KLF12: variants seen among roughly 807,000 people sequenced by gnomAD.
KLF12 encodes Krueppel-like factor 12.
A neutral mutation model predicts 37.8 loss-of-function variants in KLF12; 9 were observed. The ratio of observed to expected loss-of-function variants is 0.24; its 90% CI spans 0.14 to 0.42. The LOEUF is 0.42. Ranked by LOEUF, KLF12 falls within the 10% of genes least tolerant of loss-of-function variation. KLF12 has a pLI of 1.00. For missense variants in KLF12, 411 were observed against 516.0 expected (o/e 0.80, Z 1.97); for synonymous variants, 208 against 202.1 (o/e 1.03, Z -0.25).
intron 2 of KLF12, among the ~76,000 whole-genome samples, chr13:73,968,762 T>C (rs911020786): frequency 1.3e-5 from 2 of 152,158 alleles, no homozygotes; most frequent in African/African-American, 2.4e-5. Flanking sequence ...AACACATGAT[T>C]TGTCTATTAC....
intron 5 of KLF12, among the ~76,000 whole-genome samples, chr13:73,798,479 A>AC (rs1368047117): frequency 6.6e-6 from 1 of 152,222 alleles, no homozygotes; most frequent in African/African-American, 2.4e-5. Flanking sequence ...GAGTAAAAAA[A>AC]CAACCTACAG....
chr13:74,159,900 G>A, the KLF12 span, among the ~76,000 whole-genome samples: 1 of 151,174 alleles, frequency 6.6e-6, no homozygotes, highest in Non-Finnish European at 1.5e-5. Context: ...TACTTAGGAG[G>A]CTGAGGTGGG....
At chr13:74,273,796 T>C in the KLF12 span, among the ~76,000 whole-genome samples, 3 of 152,188 alleles carry the variant, frequency 2.0e-5, no homozygotes, top group East Asian at 5.8e-4. Flanking sequence ...AGTACAAGGA[T>C]TACATAATGC....
chr13:74,020,831 C>A (rs991680448), intron 1 of KLF12, among the ~76,000 whole-genome samples: 4 of 150,226 alleles, frequency 2.7e-5, no homozygotes, highest in Non-Finnish European at 2.9e-5. Context: ...GCGGAGCTTG[C>A]AGTGAGTGAA....
chr13:74,199,438 A>C, the KLF12 span, among the ~76,000 whole-genome samples: 1 of 152,202 alleles, frequency 6.6e-6, no homozygotes, highest in African/African-American at 2.4e-5. Context: ...GTAGTGCATG[A>C]ATTATTAGCC....
chr13:73,907,109 A>G (rs563293291), intron 3 of KLF12, among the ~76,000 whole-genome samples: 2 of 152,312 alleles, frequency 1.3e-5, no homozygotes, highest in Admixed American at 6.5e-5. Context: ...GTGTTTATCA[A>G]AGATATGGTT....
intron 3 of KLF12, among the ~76,000 whole-genome samples, chr13:73,920,073 A>G (rs1003416024): frequency 1.3e-4 from 20 of 152,168 alleles, no homozygotes; most frequent in Non-Finnish European, 1.0e-4. Flanking sequence ...CAAATTCAGA[A>G]AGATGCAAAC....
At chr13:74,104,296 T>C (rs549420167) in intron 1 of KLF12, among the ~76,000 whole-genome samples, 1 of 152,368 alleles carries the variant, frequency 6.6e-6, no homozygotes, top group African/African-American at 2.4e-5. Context: ...TGCACTGTGT[T>C]ATCTGACATT....
At chr13:73,760,819 A>G (rs1308573162) in intron 6 of KLF12, among the ~76,000 whole-genome samples, 3 of 152,168 alleles carry the variant, frequency 2.0e-5, no homozygotes, top group African/African-American at 7.2e-5. Context: ...AAAATGGAGC[A>G]GGATAGAGCA....
At chr13:73,715,820 A>G (rs1443954947) in intron 6 of KLF12, among the ~76,000 whole-genome samples, 1 of 152,236 alleles carries the variant, frequency 6.6e-6, no homozygotes, top group African/African-American at 2.4e-5. Flanking sequence ...TCATTATCAG[A>G]AGAAACAATC....
At chr13:74,118,620 C>T (rs942117437) in intron 1 of KLF12, among the ~76,000 whole-genome samples, 1 of 152,146 alleles carries the variant, frequency 6.6e-6, no homozygotes, top group African/African-American at 2.4e-5. Context: ...AAGAGAAATG[C>T]ACTCTCACAT....
intron 2 of KLF12, among the ~76,000 whole-genome samples, chr13:73,953,745 A>C (rs189584604): frequency 1.3e-5 from 2 of 152,306 alleles, no homozygotes; most frequent in East Asian, 1.9e-4. Flanking sequence ...AACATGGATC[A>C]GTGAGTGTTT....
rs898773779 is a variant in KLF12, at chr13:73,691,149, A to G, written c.*4341T>C. On this transcript the variant is annotated 3_prime_UTR_variant, in exon 8 of 8. Coordinates refer to ENST00000377669, the MANE Select transcript of KLF12 (RefSeq NM_007249.5). ...TTCTTTTTAAAAAAGTTCTTTGCTG[A>G]TATTTGTTAGCCCACTGGCTGCTGC... 2.0e-5 allele frequency: 3 copies of G among 152,642 alleles called. No homozygotes were observed. The highest frequency in any genetic ancestry group is 2.9e-5 in the Non-Finnish European group (2 of 68,036). The allele number at this position is 152,642 out of a possible 1,614,324, so 9.5% of individuals were successfully genotyped here. A position where few individuals can be genotyped will look rare whatever the true frequency, so the allele number is the denominator to read the frequency against.
At chr13:73,699,689 G>C (rs1874405867) in intron 7 of KLF12, among the ~76,000 whole-genome samples, 1 of 152,216 alleles carries the variant, frequency 6.6e-6, no homozygotes, top group African/African-American at 2.4e-5. Flanking sequence ...TTCCTATTGA[G>C]TCTGGGAAGT....
At chr13:73,737,951 G>A (rs987256807) in intron 6 of KLF12, among the ~76,000 whole-genome samples, 3 of 144,562 alleles carry the variant, frequency 2.1e-5, no homozygotes, top group Non-Finnish European at 4.5e-5. Flanking sequence ...TTACATTCTG[G>A]CAGATGTGAG....
At chr13:74,140,959 GGGT>G in the KLF12 span, among the ~76,000 whole-genome samples, 11 of 418 alleles carry the variant, frequency 0.026, no homozygotes, top group East Asian at 0.5. Flanking sequence ...GGGGGGTGGG[GGGT>G]GCTGAGGCAG....
chr13:73,978,654 T>C (rs542984757), intron 2 of KLF12, among the ~76,000 whole-genome samples: 27 of 152,316 alleles, frequency 1.8e-4, no homozygotes, highest in Non-Finnish European at 3.4e-4. Flanking sequence ...GATCTAGTAA[T>C]CTTACTCTTT....
chr13:74,280,652 C>G, the KLF12 span, among the ~76,000 whole-genome samples: 4 of 152,128 alleles, frequency 2.6e-5, no homozygotes, highest in African/African-American at 9.7e-5. Flanking sequence ...AAAGTACCCT[C>G]GTGGTGTACC....
intron 7 of KLF12, among the ~76,000 whole-genome samples, chr13:73,696,421 G>A (rs1246709585): frequency 6.6e-6 from 1 of 152,182 alleles, no homozygotes; most frequent in Non-Finnish European, 1.5e-5. Flanking sequence ...TGTAAGGACA[G>A]TAAAATATGC....
Sources: gnomAD v4.1 joint callset for allele counts (sites outside exome capture counted in the v4.1 genomes callset) on GRCh38, gnomAD v4.1.1 for gene constraint, MANE v1.5 for transcripts, NCBI Gene and HGNC (gene_info 2026-07-23, HGNC 2026-07-21) for gene names.